Variants in PTPRM observed in about 807,000 individuals in gnomAD.
The protein encoded by PTPRM is protein tyrosine phosphatase receptor type M.
A neutral mutation model predicts 186.7 loss-of-function variants in PTPRM; 47 were observed. That is an observed-to-expected ratio of 0.25 (90% CI 0.20 to 0.32). The LOEUF (loss-of-function observed/expected upper bound fraction) is 0.32, where lower values mean the gene tolerates loss of function less well. PTPRM is among the 10% of genes least tolerant of loss of function. The probability of loss-of-function intolerance (pLI) is 1.00; values close to 1 mark genes in which losing one functional copy is unlikely to be tolerated. For synonymous variants in PTPRM, 668 were observed against 674.9 expected (o/e 0.99, Z 0.16); for missense variants, 1,494 against 1,865.0 (o/e 0.80, Z 3.66).
chr18:8,076,996 G>C (rs1399848181), intron 9 of PTPRM, among the ~76,000 whole-genome samples: 1 of 152,080 alleles, frequency 6.6e-6, no homozygotes, highest in Non-Finnish European at 1.5e-5. Flanking sequence ...ACTAACAATA[G>C]AATAATATCT....
chr18:7,685,107 ACAT>A (rs1246816341), intron 1 of PTPRM, among the ~76,000 whole-genome samples: 2 of 152,168 alleles, frequency 1.3e-5, no homozygotes, highest in Admixed American at 1.3e-4. Context: ...CAGGAGTGGC[ACAT>A]CATCATAGTC....
chr18:8,317,301 A>G (rs1447845051), intron 21 of PTPRM, among the ~76,000 whole-genome samples: 1 of 151,976 alleles, frequency 6.6e-6, no homozygotes, highest in Non-Finnish European at 1.5e-5. Context: ...GGAGGGAGAG[A>G]GGGGTCAAGG....
intron 2 of PTPRM, among the ~76,000 whole-genome samples, chr18:7,859,455 C>A (rs1015129895): frequency 3.3e-5 from 5 of 152,210 alleles, no homozygotes; most frequent in African/African-American, 1.2e-4. Flanking sequence ...ACTCCCGTCT[C>A]CCAACTCTGA....
At chr18:7,827,745 G>A (rs1567878917) in intron 2 of PTPRM, among the ~76,000 whole-genome samples, 1 of 152,186 alleles carries the variant, frequency 6.6e-6, no homozygotes, top group African/African-American at 2.4e-5. Flanking sequence ...GTAGTGTTCT[G>A]ATTTCCCATG....
At chr18:8,385,021 A>G (rs1185063080) in intron 30 of PTPRM, among the ~76,000 whole-genome samples, 1 of 152,146 alleles carries the variant, frequency 6.6e-6, no homozygotes, top group African/African-American at 2.4e-5. Context: ...TATAGCCAGC[A>G]GGCAGGGTGG....
intron 14 of PTPRM, among the ~76,000 whole-genome samples, chr18:8,240,974 G>A (rs1175803679): frequency 6.6e-6 from 1 of 152,170 alleles, no homozygotes; most frequent in Non-Finnish European, 1.5e-5. Context: ...CATTGGCTAG[G>A]CACTTTTAAA....
At chr18:7,748,974 T>C (rs1249294018) in intron 1 of PTPRM, 3 of 152,242 alleles carry the variant, frequency 2.0e-5, no homozygotes, top group Non-Finnish European at 2.9e-5. Flanking sequence ...ATTTCAGAAT[T>C]CCTCCATTGA....
At chr18:7,953,296 A>C (rs1410044796) in intron 6 of PTPRM, among the ~76,000 whole-genome samples, 1 of 152,180 alleles carries the variant, frequency 6.6e-6, no homozygotes, top group Non-Finnish European at 1.5e-5. Flanking sequence ...GCAGTTCAAC[A>C]ACCCTTGCTA....
At chr18:7,789,735 T>C (rs919117058) in intron 2 of PTPRM, among the ~76,000 whole-genome samples, 7 of 152,214 alleles carry the variant, frequency 4.6e-5, no homozygotes, top group Non-Finnish European at 1.0e-4. Context: ...AGTATAGTTG[T>C]GCTTGTGCAG....
chr18:7,586,602 T>G (rs1341757403), intron 1 of PTPRM, among the ~76,000 whole-genome samples: 2 of 152,142 alleles, frequency 1.3e-5, no homozygotes, highest in South Asian at 2.1e-4. Context: ...CCAAGGTCTG[T>G]GGGGCATTGG....
intron 1 of PTPRM, among the ~76,000 whole-genome samples, chr18:7,757,692 G>A (rs890197007): frequency 2.0e-5 from 3 of 152,200 alleles, no homozygotes; most frequent in African/African-American, 7.2e-5. Flanking sequence ...CCCAGGAATA[G>A]AGAAGGGTGC....
chr18:8,309,766 T>A (rs571344241), intron 20 of PTPRM, among the ~76,000 whole-genome samples: 6 of 152,338 alleles, frequency 3.9e-5, no homozygotes, highest in Non-Finnish European at 8.8e-5. Flanking sequence ...ACTCCTGAGC[T>A]CAAGCTATCC....
chr18:8,147,918 T>A (rs1173540763), intron 14 of PTPRM, among the ~76,000 whole-genome samples: 1 of 152,200 alleles, frequency 6.6e-6, no homozygotes, highest in African/African-American at 2.4e-5. Flanking sequence ...GTTTTTGTCA[T>A]TGGTTCTGTT....
intron 19 of PTPRM, among the ~76,000 whole-genome samples, chr18:8,293,459 G>A (rs1191864715): frequency 6.6e-6 from 1 of 152,138 alleles, no homozygotes; most frequent in Non-Finnish European, 1.5e-5. Context: ...GGCATTTTCT[G>A]TATGAGTTGA....
intron 11 of PTPRM, among the ~76,000 whole-genome samples, chr18:8,103,300 G>A (rs995806957): frequency 2.0e-5 from 3 of 152,184 alleles, no homozygotes; most frequent in African/African-American, 7.2e-5. Flanking sequence ...GTCCTAGATG[G>A]CATCTGCTTC....
At chr18:7,938,015 C>G (rs1285923816) in intron 5 of PTPRM, among the ~76,000 whole-genome samples, 1 of 152,128 alleles carries the variant, frequency 6.6e-6, no homozygotes, top group Non-Finnish European at 1.5e-5. Flanking sequence ...CTAGAATTGG[C>G]CATTTTTCCA....
chr18:8,141,271 G>C (rs762521801), intron 13 of PTPRM, among the ~76,000 whole-genome samples: 2 of 152,152 alleles, frequency 1.3e-5, no homozygotes, highest in Non-Finnish European at 2.9e-5. Context: ...GACTCAACCG[G>C]ATGGCCACTC....
Position 7,856,273 on chromosome 18 carries a change from A to G in PTPRM, c.197-31833A>G, listed in dbSNP as rs1262566459. 2.6e-5 allele frequency among the ~76,000 whole-genome samples: 4 copies of G among 152,226 alleles called. No homozygotes were observed. The East Asian group carries it at 7.7e-4, about 29-fold the overall frequency. Reference sequence around the variant, plus strand: ...ACCTGTCTTGATTGCAAAGATTTATAAACAAGGCATAGTCACACTTTATAC... The same window carrying G: ...ACCTGTCTTGATTGCAAAGATTTATGAACAAGGCATAGTCACACTTTATAC... On this transcript the variant is annotated intron_variant, in intron 2 of 32. Coordinates refer to ENST00000580170, the MANE Select transcript of PTPRM (RefSeq NM_001105244.2).
At chr18:7,911,502 T>C (rs78440265) in intron 4 of PTPRM, among the ~76,000 whole-genome samples, 16,748 of 152,234 alleles carry the variant, frequency 0.11, 1,058 homozygotes, top group African/African-American at 0.17. Context: ...CATCTTTCCA[T>C]GTGCCATTTA....
Sources: allele counts gnomAD v4.1 joint callset (sites outside exome capture counted in the v4.1 genomes callset), GRCh38; gene constraint gnomAD v4.1.1; transcripts MANE v1.5; gene names NCBI Gene and HGNC (gene_info 2026-07-23, HGNC 2026-07-21).